GABRB3: variants seen among roughly 807,000 people sequenced by gnomAD.
GABRB3 encodes the protein gamma-aminobutyric acid type A receptor subunit beta3.
A neutral mutation model predicts 52.1 loss-of-function variants in GABRB3; 14 were observed. That is an observed-to-expected ratio of 0.27 (90% CI 0.18 to 0.42). GABRB3 has a LOEUF of 0.42. Among genes scored for constraint, GABRB3 ranks in the 10% least tolerant of loss-of-function variants. GABRB3 has a pLI of 1.00. For missense variants in GABRB3, 307 were observed against 609.1 expected (o/e 0.50, Z 5.22); for synonymous variants, 260 against 232.3 (o/e 1.12, Z -1.08).
At chr15:26,650,722 A>ATT (rs1887170420) in intron 3 of GABRB3, among the ~76,000 whole-genome samples, 1 of 151,962 alleles carries the variant, frequency 6.6e-6, no homozygotes. Flanking sequence ...TGTGCCCACC[A>ATT]TTGAGTGGTG....
chr15:26,565,167 A>ATTG (rs1555401763), intron 7 of GABRB3, among the ~76,000 whole-genome samples: 2 of 110,944 alleles, frequency 1.8e-5, no homozygotes, highest in Non-Finnish European at 3.7e-5. Context: ...TGTCTGTTGT[A>ATTG]TTGATGATGA....
chr15:26,739,577 GT>G (rs2140158849), intron 3 of GABRB3, among the ~76,000 whole-genome samples: 1 of 152,190 alleles, frequency 6.6e-6, no homozygotes, highest in South Asian at 2.1e-4. Flanking sequence ...GGCAGGCAGG[GT>G]GAGCGTTCCT....
chr15:26,710,723 A>G (rs1310243845), intron 3 of GABRB3, among the ~76,000 whole-genome samples: 2 of 152,214 alleles, frequency 1.3e-5, no homozygotes, highest in Non-Finnish European at 2.9e-5. Context: ...TAGTATTGTC[A>G]ATCTTCAAGG....
chr15:26,596,875 G>A (rs1017369420), intron 4 of GABRB3, among the ~76,000 whole-genome samples: 1 of 152,116 alleles, frequency 6.6e-6, no homozygotes, highest in East Asian at 1.9e-4. Context: ...GATGGAGGTT[G>A]GTAAGTCCAA....
At chr15:26,770,512 T>C (rs966831099) in intron 3 of GABRB3, among the ~76,000 whole-genome samples, 15 of 152,236 alleles carry the variant, frequency 9.9e-5, no homozygotes, top group Non-Finnish European at 1.6e-4. Flanking sequence ...TTTTTAAACG[T>C]ACCAACTATC....
At chr15:26,755,066 C>A (rs780434714) in intron 3 of GABRB3, among the ~76,000 whole-genome samples, 6 of 144,820 alleles carry the variant, frequency 4.1e-5, no homozygotes, top group African/African-American at 1.5e-4. Context: ...TGCAGTGGTG[C>A]AATCTCAGCT....
intron 3 of GABRB3, among the ~76,000 whole-genome samples, chr15:26,628,803 G>A (rs1171563014): frequency 1.3e-5 from 2 of 152,178 alleles, no homozygotes; most frequent in African/African-American, 4.8e-5. Flanking sequence ...ACCCCCCCAG[G>A]GTAGCTGAGG....
At chr15:26,656,697 T>C (rs1488839340) in intron 3 of GABRB3, among the ~76,000 whole-genome samples, 1 of 152,166 alleles carries the variant, frequency 6.6e-6, no homozygotes, top group Non-Finnish European at 1.5e-5. Flanking sequence ...ACACTCCTTA[T>C]GAGAGTCGAA....
chr15:26,645,837 G>A lies in GABRB3; in HGVS notation c.241-24303C>T, dbSNP rs1893332530. On this transcript the variant is annotated intron_variant, in intron 3 of 8. Transcript: ENST00000311550. ...AAGCTGGAGTGCAGTGGCCTTTGAA[G>A]CTTACTACAGCCTCAAACTTCTGGG... is the stretch of plus-strand genomic sequence containing the variant. 5.9e-5 allele frequency among the ~76,000 whole-genome samples: 9 copies of A among 152,202 alleles called. No homozygotes were observed. In the South Asian group the frequency reaches 1.9e-3, roughly 32 times the overall value.
Position 26,754,413 on chromosome 15 carries a change from G to T in GABRB3, c.240+17989C>A, listed in dbSNP as rs577658054. The stretch of plus-strand genomic sequence containing the variant: ...TCCCTTCTGAGCAGATTTCACCAAG[G>T]TGCTGCTTTTCTGGGCATGCTGGAA... On this transcript the variant is annotated intron_variant, in intron 3 of 8. Coordinates refer to ENST00000311550, the MANE Select transcript of GABRB3 (RefSeq NM_000814.6). Among the ~76,000 whole-genome samples, 9 of 152,284 alleles carry T rather than the reference G, an allele frequency of 5.9e-5. No individual in the cohort carries two copies. In the South Asian group the frequency reaches 1.9e-3, roughly 32 times the overall value.
At chr15:26,670,971 G>A (rs934349056) in intron 3 of GABRB3, among the ~76,000 whole-genome samples, 3 of 151,932 alleles carry the variant, frequency 2.0e-5, no homozygotes, top group Non-Finnish European at 4.4e-5. Flanking sequence ...ATCAACCTCC[G>A]GGGCTCAAGT....
At chr15:26,674,400 C>CAAAAAAAAAAAAAAAA (rs55723767) in intron 3 of GABRB3, among the ~76,000 whole-genome samples, 7 of 86,788 alleles carry the variant, frequency 8.1e-5, no homozygotes, top group South Asian at 4.4e-4. Context: ...GACTCAGTTT[C>CAAAAAAAAAAAAAAAA]AAAAAAAAAA....
chr15:26,610,513 T>A (rs1174070740), intron 4 of GABRB3, among the ~76,000 whole-genome samples: 3 of 152,182 alleles, frequency 2.0e-5, no homozygotes, highest in Non-Finnish European at 4.4e-5. Context: ...AAATCAGAAT[T>A]TGATAAGCTG....
chr15:26,750,317 A>G (rs1890468356), intron 3 of GABRB3, among the ~76,000 whole-genome samples: 1 of 152,242 alleles, frequency 6.6e-6, no homozygotes, highest in African/African-American at 2.4e-5. Flanking sequence ...AATTAGCAGT[A>G]GTGGAATACT....
At chr15:26,694,464 G>A (rs73370149) in intron 3 of GABRB3, among the ~76,000 whole-genome samples, 9,308 of 152,222 alleles carry the variant, frequency 0.061, 317 homozygotes, top group Non-Finnish European at 0.085. Context: ...AAGAAGGAAC[G>A]TCTAGAGAAG....
Position 26,672,215 on chromosome 15 carries a change from T to C in GABRB3, c.241-50681A>G, listed in dbSNP as rs147270234. Among the ~76,000 whole-genome samples the C allele has an allele frequency of 6.9e-3, 1,057 of 152,280 alleles. 16 individuals are homozygous for C. Among genetic ancestry groups the C allele is most frequent in the African/African-American group, 0.025 (1,028 of 41,556 alleles). On this transcript the variant is annotated intron_variant, in intron 3 of 8. Transcript: ENST00000311550. ...AGAATCAAGGAACGCAGGAAGAAAC[T>C]TTCTCTAAATTCTCATTTTTGCCCA...
intron 4 of GABRB3, among the ~76,000 whole-genome samples, chr15:26,611,337 T>G (rs1040385732): frequency 6.6e-6 from 1 of 152,164 alleles, no homozygotes; most frequent in Non-Finnish European, 1.5e-5. Context: ...TGAGGAAACA[T>G]TTCTATAAAT....
chr15:26,644,338 T>C (rs1037520563), intron 3 of GABRB3, among the ~76,000 whole-genome samples: 1 of 152,116 alleles, frequency 6.6e-6, no homozygotes, highest in Non-Finnish European at 1.5e-5. Flanking sequence ...ACAGAGATGA[T>C]TAAATTAAAA....
chr15:26,570,262 A>G (rs890087741), intron 6 of GABRB3, among the ~76,000 whole-genome samples: 1 of 152,250 alleles, frequency 6.6e-6, no homozygotes, highest in Non-Finnish European at 1.5e-5. Context: ...TTCCACAAAC[A>G]GCAAACCGGT....
Sources: gnomAD v4.1 joint callset for allele counts (sites outside exome capture counted in the v4.1 genomes callset) on GRCh38, gnomAD v4.1.1 for gene constraint, MANE v1.5 for transcripts, NCBI Gene and HGNC (gene_info 2026-07-23, HGNC 2026-07-21) for gene names.